SHOC1: variants seen among roughly 807,000 people sequenced by gnomAD.
SHOC1 encodes the protein protein shortage in chiasmata 1 ortholog.
SHOC1 carries 136 observed loss-of-function variants against 179.2 expected under a neutral mutation model. The observed-to-expected ratio is 0.76, with a 90% confidence interval of 0.66 to 0.87. The LOEUF (loss-of-function observed/expected upper bound fraction) is 0.87, where lower values mean the gene tolerates loss of function less well. Among genes scored for constraint, SHOC1 ranks in the 40% least tolerant of loss-of-function variants. SHOC1 has a pLI of 0.00. For missense variants in SHOC1, 1,538 were observed against 1,700.8 expected (o/e 0.90, Z 1.68); for synonymous variants, 489 against 586.6 (o/e 0.83, Z 2.41).
intron 15 of SHOC1, among the ~76,000 whole-genome samples, chr9:111,719,753 G>C (rs1832952563): frequency 6.6e-6 from 1 of 152,098 alleles, no homozygotes; most frequent in Admixed American, 6.6e-5. Flanking sequence ...TTCTATCTCA[G>C]TACTACTACT....
intron 14 of SHOC1, 48 bp downstream of exon 14, chr9:111,723,744 T>C (rs373911044): frequency 1.3e-6 from 2 of 1,586,054 alleles, no homozygotes; most frequent in Non-Finnish European, 1.7e-6. Flanking sequence ...AGGAAAGGAC[T>C]TTCAAACTAA....
At chr9:111,780,850 T>G (rs527912649) in intron 4 of SHOC1, 80 bp downstream of exon 4, 40 of 937,534 alleles carry the variant, frequency 4.3e-5, no homozygotes, top group Non-Finnish European at 6.1e-5. Context: ...GAAGAGATTT[T>G]CCCTCTTTAG....
At chr9:111,708,901 T>C (rs1832399425) in intron 18 of SHOC1, among the ~76,000 whole-genome samples, 1 of 152,210 alleles carries the variant, frequency 6.6e-6, no homozygotes, top group South Asian at 2.1e-4. Context: ...TTTTCAACCA[T>C]AAAGTTGACG....
intron 12 of SHOC1, among the ~76,000 whole-genome samples, chr9:111,732,747 A>T (rs1025507620): frequency 3.3e-5 from 5 of 152,196 alleles, no homozygotes. Flanking sequence ...GTCGTCAAGG[A>T]CCAGGGGGGT....
intron 4 of SHOC1, 34 bp from the exon 5 acceptor site, chr9:111,776,009 G>A (rs779788852): frequency 2.6e-6 from 4 of 1,539,464 alleles, no homozygotes; most frequent in Admixed American, 3.6e-5. Flanking sequence ...TGTTATGTAT[G>A]TCCTATTTTA....
chr9:111,746,208 G>T, intron 10 of SHOC1, 26 bp downstream of exon 10: 1 of 1,412,618 alleles, frequency 7.1e-7, no homozygotes. Context: ...ATTGCAACAT[G>T]GGTTCTAGAT....
intron 19 of SHOC1, 117 bp from the exon 20 acceptor site, chr9:111,706,863 T>C: frequency 1.7e-6 from 1 of 595,428 alleles, no homozygotes; most frequent in Non-Finnish European, 2.7e-6. Flanking sequence ...TGCCTCATCT[T>C]AGAAAGGCAC....
At chr9:111,779,170 C>T (rs1835945623) in intron 4 of SHOC1, among the ~76,000 whole-genome samples, 1 of 150,456 alleles carries the variant, frequency 6.6e-6, no homozygotes, top group Admixed American at 6.6e-5. Context: ...ACGGATAAAC[C>T]CTGAAAACAT....
rs763005245 is a variant in SHOC1, at chr9:111,691,897, A to G, written c.4080T>C (p.Phe1360=). The change falls in exon 27 of 28, where the codon TTT becomes TTC. Residue 1360 remains phenylalanine, a synonymous_variant. Coordinates refer to ENST00000682961, the MANE Select transcript of SHOC1 (RefSeq NM_001378211.1). ...EGTQSPLHWN[F]KKNIWEQENH... is the part of the protein sequence containing the mutation. ...TCTCTTGTTCCCATATATTTTTCTTAAAGTTCCAATGAAGAGGAGATTGAG... is the reference window on the plus strand; with the variant it reads ...TCTCTTGTTCCCATATATTTTTCTTGAAGTTCCAATGAAGAGGAGATTGAG... 1.9e-6 allele frequency: 3 copies of G among 1,613,778 alleles called. No individual in the cohort carries two copies. The highest frequency in any genetic ancestry group is 1.1e-5 in the South Asian group (1 of 91,046).
At chr9:111,694,119 C>T (rs1206634430) in intron 25 of SHOC1, 112 bp downstream of exon 25, 1 of 1,187,516 alleles carries the variant, frequency 8.4e-7, no homozygotes, top group African/African-American at 1.6e-5. Flanking sequence ...GTTATTGCAC[C>T]TACCACTCAA....
rs770493281 is a variant in SHOC1, at chr9:111,723,828, T to C, written c.1918A>G (p.Arg640Gly). The change falls in exon 14 of 28, where the codon AGG becomes GGG. Residue 640 changes from arginine to glycine, a missense_variant. Physicochemically the swap from Arg to Gly is moderately radical, Grantham distance 125. Coordinates refer to ENST00000682961, the MANE Select transcript of SHOC1 (RefSeq NM_001378211.1). Reference sequence around the variant, plus strand: ...ATTTCAATGACACTATCTGTTCCCCTTTCCTGATTTATTTCCTCCAGGGTT... The same window carrying C: ...ATTTCAATGACACTATCTGTTCCCCCTTCCTGATTTATTTCCTCCAGGGTT... ...NKTLEEINQE[R>G]GTDSVIEIQA... 11 of 1,611,994 alleles carry C rather than the reference T, an allele frequency of 6.8e-6. No homozygotes were observed. Among genetic ancestry groups the C allele is most frequent in the Non-Finnish European group, 9.3e-6 (11 of 1,178,842 alleles).
chr9:111,775,649 C>T (rs529643629), intron 5 of SHOC1, 142 bp downstream of exon 5: 167 of 594,712 alleles, frequency 2.8e-4, no homozygotes, highest in Non-Finnish European at 3.9e-4. Flanking sequence ...GGAAATACTG[C>T]CCTAATGTGG....
At chr9:111,770,588 T>C (rs1459271845) in intron 5 of SHOC1, among the ~76,000 whole-genome samples, 1 of 152,148 alleles carries the variant, frequency 6.6e-6, no homozygotes, top group African/African-American at 2.4e-5. Flanking sequence ...TTATGCTCTT[T>C]GTTGATTTTC....
chr9:111,786,503 A>ATTT lies in SHOC1; in HGVS notation c.46-471_46-469dup, dbSNP rs34413616. ...TGCTTTATTCTATTGTGCTCTGCAG[A>ATTT]TTTTTTTTTTTTTTTTTTTTTTTTT... On this transcript the variant is annotated intron_variant, in intron 2 of 27. Transcript: ENST00000682961. 9.1e-3 allele frequency among the ~76,000 whole-genome samples: 1,001 copies of ATTT among 110,188 alleles called. 16 individuals are homozygous for ATTT. The highest frequency in any genetic ancestry group is 0.029 in the Admixed American group (276 of 9,604). 72.3% of individuals were successfully genotyped at this position (110,188 alleles called of 152,430 possible).
intron 12 of SHOC1, among the ~76,000 whole-genome samples, chr9:111,731,526 A>C (rs867908156): frequency 1.2e-4 from 19 of 152,236 alleles, no homozygotes; most frequent in African/African-American, 4.6e-4. Flanking sequence ...TTAGTGGAGC[A>C]GTCAGAACAC....
At chr9:111,749,327 AT>A (rs1564145977) in intron 8 of SHOC1, among the ~76,000 whole-genome samples, 1 of 152,158 alleles carries the variant, frequency 6.6e-6, no homozygotes, top group Non-Finnish European at 1.5e-5. Context: ...TAATCTAAGA[AT>A]TGATCTCTCT....
chr9:111,769,397 A>G (rs949218647), intron 5 of SHOC1, among the ~76,000 whole-genome samples: 11 of 152,130 alleles, frequency 7.2e-5, no homozygotes, highest in African/African-American at 2.4e-4. Context: ...CTTTTCTTTG[A>G]TGAGAGGCTT....
chr9:111,698,599 T>TGCAGTATAGTA (rs1564106258), intron 24 of SHOC1, among the ~76,000 whole-genome samples: 1 of 151,880 alleles, frequency 6.6e-6, no homozygotes. Context: ...ACTGTAGCCT[T>TGCAGTATAGTA]GTAGTATAGT....
intron 12 of SHOC1, among the ~76,000 whole-genome samples, chr9:111,735,121 G>C (rs1833758141): frequency 6.6e-6 from 1 of 152,044 alleles, no homozygotes; most frequent in Admixed American, 6.6e-5. Context: ...CTGCATCCAT[G>C]TCACTGCAAA....
Sources: gnomAD v4.1 joint callset for allele counts (sites outside exome capture counted in the v4.1 genomes callset) on GRCh38, gnomAD v4.1.1 for gene constraint, MANE v1.5 for transcripts, NCBI Gene and HGNC (gene_info 2026-07-23, HGNC 2026-07-21) for gene names.